The following SLA variants were observed in gnomAD, a reference collection of about 807,000 sequenced individuals.
SLA encodes the protein Src like adaptor.
Under a neutral mutation model 30.3 loss-of-function variants are expected in SLA, and 16 were observed. The ratio of observed to expected loss-of-function variants is 0.53; its 90% CI spans 0.36 to 0.80. SLA has a LOEUF of 0.80. Ranked by LOEUF, SLA falls within the 30% of genes least tolerant of loss-of-function variation. The probability of loss-of-function intolerance (pLI) is 0.01; values close to 1 mark genes in which losing one functional copy is unlikely to be tolerated. For missense variants in SLA, 310 were observed against 345.2 expected (o/e 0.90, Z 0.81); for synonymous variants, 143 against 137.8 (o/e 1.04, Z -0.26).
rs367588671 is a variant in SLA, at chr8:133,062,727, C to T, written c.-40-2527G>A. On this transcript the variant is annotated intron_variant, in intron 2 of 8. Coordinates refer to ENST00000338087, the MANE Select transcript of SLA (RefSeq NM_001045556.3). ...CGCACAGGGTGTCGTACACAGGCCT[C>T]AGGAAGCATGGGTGTGACATGCACA... Among the ~76,000 whole-genome samples the T allele has an allele frequency of 7.2e-5, 11 of 152,170 alleles. No homozygotes were observed. In the East Asian group the frequency reaches 1.9e-3, roughly 27 times the overall value.
chr8:133,084,691 C>T (rs1360755423), intron 1 of SLA, among the ~76,000 whole-genome samples: 1 of 152,218 alleles, frequency 6.6e-6, no homozygotes, highest in African/African-American at 2.4e-5. Flanking sequence ...GAGACAAAGC[C>T]AAGGCTCAGG....
At chr8:133,101,384 G>T in intron 1 of SLA, among the ~76,000 whole-genome samples, 1 of 152,176 alleles carries the variant, frequency 6.6e-6, no homozygotes, top group East Asian at 1.9e-4. Context: ...AGTTGGGCTT[G>T]TGCATTTCTC....
chr8:133,059,244 G>A (rs959974772), intron 3 of SLA: 8 of 423,046 alleles, frequency 1.9e-5, no homozygotes, highest in Admixed American at 1.3e-4. Context: ...AAGGTGGGAA[G>A]CAGAAGTGTT....
chr8:133,059,582 C>G (rs998556305), intron 3 of SLA, among the ~76,000 whole-genome samples: 4 of 151,996 alleles, frequency 2.6e-5, no homozygotes, highest in Non-Finnish European at 5.9e-5. Context: ...CTTGCAATCC[C>G]ACCAATGGGA....
chr8:133,092,556 A>G (rs922856470), intron 1 of SLA, among the ~76,000 whole-genome samples: 2 of 152,146 alleles, frequency 1.3e-5, no homozygotes, highest in African/African-American at 4.8e-5. Flanking sequence ...CACTGTGCAG[A>G]GGACACGCTT....
At chr8:133,079,489 GT>G (rs1845421510) in intron 1 of SLA, among the ~76,000 whole-genome samples, 1 of 151,970 alleles carries the variant, frequency 6.6e-6, no homozygotes, top group Non-Finnish European at 1.5e-5. Flanking sequence ...GTGTTGATGG[GT>G]TTCCCAGGGG....
intron 2 of SLA, among the ~76,000 whole-genome samples, chr8:133,060,769 A>G (rs1429479663): frequency 3.3e-5 from 5 of 152,170 alleles, no homozygotes; most frequent in African/African-American, 1.2e-4. Context: ...ATCAACTGTT[A>G]CTTTTGATCA....
chr8:133,048,271 A>G (rs1839833269), intron 5 of SLA, among the ~76,000 whole-genome samples: 1 of 152,056 alleles, frequency 6.6e-6, no homozygotes, highest in Non-Finnish European at 1.5e-5. Flanking sequence ...CCCAGACTAG[A>G]GAACAGTGGC....
In SLA at chr8:133,045,070, C is replaced by A. The variant is rs745463507; in HGVS notation, c.398G>T (p.Arg133Leu). Residue 133 changes from arginine (R) to leucine (L), a missense_variant, in exon 7 of 9, where the codon CGC becomes CTC. Transcript: ENST00000338087. ...SVRHRQVKHY[R>L]IFRLPNNWYY... ...CCAGTTGTTGGGCAGACGGAAAATG[C>A]GGTAATGCTTTACCTGCCTGTGTCT... The A allele has an allele frequency of 4.3e-6, 7 of 1,613,968 alleles. No homozygotes were observed. In the South Asian group the frequency reaches 4.4e-5, roughly 10 times the overall value.
intron 1 of SLA, among the ~76,000 whole-genome samples, chr8:133,085,605 A>G (rs1846406399): frequency 6.6e-6 from 1 of 152,218 alleles, no homozygotes; most frequent in South Asian, 2.1e-4. Flanking sequence ...ATAGCAAAAG[A>G]TTCTTAACAC....
At chr8:133,059,168 T>C in intron 3 of SLA, 1 of 456,180 alleles carries the variant, frequency 2.2e-6, no homozygotes, top group South Asian at 1.5e-5. Context: ...CTGCAGGGGC[T>C]GCTGGGAACC....
At chr8:133,046,345 G>A (rs1839389777) in intron 6 of SLA, 1 of 152,266 alleles carries the variant, frequency 6.6e-6, no homozygotes, top group Non-Finnish European at 1.5e-5. Flanking sequence ...CAGAGGCCTA[G>A]AGCCCCTATG....
chr8:133,075,191 A>C (rs1454685945), intron 1 of SLA, 61 bp from the exon 2 acceptor site: 2 of 897,874 alleles, frequency 2.2e-6, no homozygotes. Flanking sequence ...GGCCAGCTTA[A>C]CTCTGGATTC....
At chr8:133,092,281 G>A (rs1440274726) in intron 1 of SLA, among the ~76,000 whole-genome samples, 1 of 152,236 alleles carries the variant, frequency 6.6e-6, no homozygotes, top group Non-Finnish European at 1.5e-5. Context: ...CTGAGGTCAA[G>A]GCACCTTACC....
intron 1 of SLA, among the ~76,000 whole-genome samples, chr8:133,093,330 A>C (rs1847880510): frequency 6.6e-6 from 1 of 151,966 alleles, no homozygotes; most frequent in South Asian, 2.1e-4. Context: ...GCTGCTTATC[A>C]GAGGATCCTG....
chr8:133,076,197 G>A (rs894773675), intron 1 of SLA: 1 of 152,204 alleles, frequency 6.6e-6, no homozygotes, highest in Non-Finnish European at 1.5e-5. Flanking sequence ...TCACAGAGTG[G>A]ACAGAGCATC....
chr8:133,079,154 T>C (rs1337528236), intron 1 of SLA, among the ~76,000 whole-genome samples: 2 of 152,194 alleles, frequency 1.3e-5, no homozygotes, highest in Non-Finnish European at 2.9e-5. Context: ...AGTGTAAGCA[T>C]GGAGTCAGGC....
chr8:133,042,678 CTTTTTTTTTTTTTTT>C lies in SLA; in HGVS notation c.484+2291_484+2305del, dbSNP rs58739514. ...GTGCACAATTCCTCTCATTCTGTGT[CTTTTTTTTTTTTTTT>C]TTTTTTTTTTTTTTTTGTGAGATGG... is the stretch of plus-strand genomic sequence containing the variant. On this transcript the variant is annotated intron_variant, in intron 7 of 8. Coordinates refer to ENST00000338087, the MANE Select transcript of SLA (RefSeq NM_001045556.3). Among the ~76,000 whole-genome samples, 22 of 56,768 alleles carry C rather than the reference CTTTTTTTTTTTTTTT, an allele frequency of 3.9e-4. 1 individual carries two copies. The highest frequency in any genetic ancestry group is 1.8e-3 in the East Asian group (4 of 2,280). The allele number at this position is 56,768 out of a possible 152,430, so 37.2% of individuals were successfully genotyped here. A position where few individuals can be genotyped will look rare whatever the true frequency, so the allele number is the denominator to read the frequency against.
intron 2 of SLA, among the ~76,000 whole-genome samples, chr8:133,072,640 C>T (rs566475196): frequency 6.6e-6 from 1 of 152,306 alleles, no homozygotes; most frequent in South Asian, 2.1e-4. Context: ...ACATAAAACC[C>T]AGCAGCATCT....
Sources: gnomAD v4.1 joint callset for allele counts (sites outside exome capture counted in the v4.1 genomes callset) on GRCh38, gnomAD v4.1.1 for gene constraint, MANE v1.5 for transcripts, NCBI Gene and HGNC (gene_info 2026-07-23, HGNC 2026-07-21) for gene names.